FANCA: variants seen among roughly 807,000 people sequenced by gnomAD.
FANCA encodes the protein Fanconi anemia group A protein.
FANCA carries 236 observed loss-of-function variants against 194.3 expected under a neutral mutation model. The ratio of observed to expected loss-of-function variants is 1.21; its 90% CI spans 1.09 to 1.35. FANCA has a LOEUF of 1.35. Ranked by LOEUF, FANCA falls within the 40% of genes most tolerant of loss-of-function variation. The probability of loss-of-function intolerance (pLI) is 0.00; values close to 1 mark genes in which losing one functional copy is unlikely to be tolerated. For missense variants in FANCA, 2,628 were observed against 1,813.9 expected (o/e 1.45, Z -8.15); for synonymous variants, 1,014 against 715.8 (o/e 1.42, Z -6.65).
intron 35 of FANCA, among the ~76,000 whole-genome samples, chr16:89,745,679 C>T (rs12923057): frequency 5.8e-5 from 4 of 69,322 alleles, no homozygotes; most frequent in African/African-American, 1.1e-4. Context: ...ACCACACTGC[C>T]CTGAGCTGGG....
At chr16:89,743,333 G>C (rs1208808989) in intron 36 of FANCA, among the ~76,000 whole-genome samples, 1 of 152,236 alleles carries the variant, frequency 6.6e-6, no homozygotes, top group African/African-American at 2.4e-5. Context: ...GCCTGGCTCT[G>C]GCCCCAGTGT....
intron 20 of FANCA, among the ~76,000 whole-genome samples, chr16:89,776,164 T>TC (rs1168836573): frequency 3.3e-5 from 3 of 90,852 alleles, no homozygotes; most frequent in African/African-American, 1.5e-4. Context: ...TTTTTCTTTT[T>TC]TTTTTTTTTT....
chr16:89,780,628 A>C (rs1466450894), intron 17 of FANCA, among the ~76,000 whole-genome samples: 1 of 151,888 alleles, frequency 6.6e-6, no homozygotes, highest in African/African-American at 2.4e-5. Flanking sequence ...TGCATCAAAA[A>C]AAAAAAAAAA....
intron 30 of FANCA, among the ~76,000 whole-genome samples, chr16:89,757,779 G>C (rs2143216590): frequency 6.6e-6 from 1 of 152,338 alleles, no homozygotes; most frequent in South Asian, 2.1e-4. Flanking sequence ...CAGATGGAGA[G>C]AGGCTGTGAT....
Position 89,764,976 on chromosome 16 carries a change from G to C in FANCA, c.2692C>G (p.Leu898Val). ...VASLSWRPLH[L>V]PSADWQRAAL... is the part of the protein sequence containing the mutation. ...GCTCTCTGCCAGTCTGCAGAAGGAA[G>C]GTGCAAGGGTCTCCAGGAAAGGCTG... The change falls in exon 28 of 43, where the codon CTT becomes GTT. Residue 898 changes from leucine to valine, a missense_variant. Coordinates refer to ENST00000389301, the MANE Select transcript of FANCA (RefSeq NM_000135.4). 1.2e-6 allele frequency: 2 copies of C among 1,614,244 alleles called. No individual in the cohort carries two copies. The highest frequency in any genetic ancestry group is 1.7e-6 in the Non-Finnish European group (2 of 1,180,040).
chr16:89,781,470 G>C (rs1214940114), intron 17 of FANCA, among the ~76,000 whole-genome samples: 1 of 150,106 alleles, frequency 6.7e-6, no homozygotes, highest in African/African-American at 2.5e-5. Context: ...TCAGGAGATT[G>C]AGACCATCCT....
intron 3 of FANCA, 80 bp from the exon 4 acceptor site, chr16:89,811,151 C>T (rs1296052846): frequency 4.4e-6 from 7 of 1,581,576 alleles, no homozygotes; most frequent in Non-Finnish European, 5.2e-6. Flanking sequence ...GTTTAAAATG[C>T]CTTATTTTAA....
chr16:89,787,373 A>C (rs1438370403), intron 14 of FANCA, among the ~76,000 whole-genome samples: 1 of 152,116 alleles, frequency 6.6e-6, no homozygotes, highest in African/African-American at 2.4e-5. Context: ...AATACAAAAA[A>C]TTAGCCGTGT....
At chr16:89,790,249 C>T (rs1445951629) in intron 14 of FANCA, among the ~76,000 whole-genome samples, 2 of 149,756 alleles carry the variant, frequency 1.3e-5, no homozygotes, top group Admixed American at 1.3e-4. Context: ...TAAAAATTAG[C>T]CAGGTGTGGT....
At chr16:89,761,254 CCAAAAA>C (rs2038942159) in intron 29 of FANCA, among the ~76,000 whole-genome samples, 1 of 151,876 alleles carries the variant, frequency 6.6e-6, no homozygotes, top group African/African-American at 2.4e-5. Context: ...CCCGTCTCTA[CCAAAAA>C]TACAAAAAAT....
intron 30 of FANCA, among the ~76,000 whole-genome samples, chr16:89,757,576 C>G (rs1054673422): frequency 5.3e-5 from 8 of 152,196 alleles, no homozygotes; most frequent in Admixed American, 1.3e-4. Context: ...GTGGTTGCCG[C>G]AGGCAGGAGA....
rs755783870 is a variant in FANCA at position 89,764,968 on chromosome 16, A to C, written c.2700T>G (p.Ser900=). 20 of 1,614,144 alleles carry C rather than the reference A, an allele frequency of 1.2e-5. No individual in the cohort carries two copies. The highest frequency in any genetic ancestry group is 1.7e-5 in the Non-Finnish European group (20 of 1,180,046). ...AGAGGGCAGCTCTCTGCCAGTCTGC[A>C]GAAGGAAGGTGCAAGGGTCTCCAGG... ...SLSWRPLHLP[S]ADWQRAALSL... Residue 900 remains serine (S), a synonymous_variant, in exon 28 of 43, where the codon TCT becomes TCG. Transcript: ENST00000389301.
rs868694995 is a variant in FANCA, at chr16:89,773,518, G to C, written c.1901-134C>G. ...TGTGTGTGGCAGACGGAGGGACTGGGAGTCTCTGAGGAGGTAAATGAGGTG... is the reference window on the plus strand; with the variant it reads ...TGTGTGTGGCAGACGGAGGGACTGGCAGTCTCTGAGGAGGTAAATGAGGTG... On this transcript the variant is annotated intron_variant, in intron 21 of 42. Coordinates refer to ENST00000389301, the MANE Select transcript of FANCA (RefSeq NM_000135.4). 6.9e-5 allele frequency: 49 copies of C among 705,648 alleles called. 1 individual carries two copies. In the Middle Eastern group the frequency reaches 1.7e-3, roughly 25 times the overall value. The allele number at this position is 705,648 out of a possible 1,614,324, so 43.7% of individuals were successfully genotyped here.
intron 14 of FANCA, among the ~76,000 whole-genome samples, chr16:89,790,501 C>T (rs535793508): frequency 3.2e-4 from 48 of 148,964 alleles, no homozygotes; most frequent in Non-Finnish European, 5.6e-4. Context: ...GAGGACAAGA[C>T]GGGCGGATCA....
chr16:89,770,525 G>T, intron 24 of FANCA, 39 bp downstream of exon 24: 1 of 1,556,912 alleles, frequency 6.4e-7, no homozygotes, highest in Non-Finnish European at 8.7e-7. Flanking sequence ...GTGGCACCCA[G>T]AGGAGCCCCA....
chr16:89,785,918 C>T (rs575164392), intron 14 of FANCA, among the ~76,000 whole-genome samples: 12 of 136,094 alleles, frequency 8.8e-5, no homozygotes, highest in Middle Eastern at 4.0e-3. Flanking sequence ...GCAGTGGTGC[C>T]ATCTTGGCTC....
At position 89,784,445 on chromosome 16, in the gene FANCA, C is replaced by T. The variant is rs144683481; in HGVS notation, c.1470+409G>A. Among the ~76,000 whole-genome samples, 1,166 of 130,358 alleles carry T rather than the reference C, an allele frequency of 8.9e-3. 6 individuals are homozygous for T. The highest frequency in any genetic ancestry group is 0.018 in the Middle Eastern group (4 of 226). The allele number at this position is 130,358 out of a possible 152,430, so 85.5% of individuals were successfully genotyped here. ...TTAAAAAAAAAAAAAAAAAAGCAAA[C>T]ATGAGATCCTAAAACCCTCACTGCA... On this transcript the variant is annotated intron_variant, in intron 15 of 42. Coordinates refer to ENST00000389301, the MANE Select transcript of FANCA (RefSeq NM_000135.4).
At position 89,813,669 on chromosome 16, in the gene FANCA, G is replaced by C. The variant is rs149088425; in HGVS notation, c.283+851C>G. Among the ~76,000 whole-genome samples, 39 of 152,220 alleles carry C rather than the reference G, an allele frequency of 2.6e-4. No individual in the cohort carries two copies. The East Asian group carries it at 6.6e-3, about 26-fold the overall frequency. ...GGCTCGTCTCGAATCCTGACCTCAG[G>C]TGATCCGCACACCTCAGCCTCCCAA... is the stretch of plus-strand genomic sequence containing the variant. On this transcript the variant is annotated intron_variant, in intron 3 of 42. Coordinates refer to ENST00000389301, the MANE Select transcript of FANCA (RefSeq NM_000135.4).
intron 6 of FANCA, among the ~76,000 whole-genome samples, chr16:89,807,555 G>C (rs2040704583): frequency 1.3e-5 from 2 of 152,120 alleles, no homozygotes; most frequent in South Asian, 4.2e-4. Context: ...TTTGACACCA[G>C]CCTGGCTAAC....
Sources: gnomAD v4.1 joint callset for allele counts (sites outside exome capture counted in the v4.1 genomes callset) on GRCh38, gnomAD v4.1.1 for gene constraint, MANE v1.5 for transcripts, NCBI Gene and HGNC (gene_info 2026-07-23, HGNC 2026-07-21) for gene names.